SCX: variants seen among roughly 807,000 people sequenced by gnomAD.
SCX encodes the protein basic helix-loop-helix transcription factor scleraxis.
In SCX, 7 loss-of-function variants were observed where a neutral mutation model predicts 12.2. That is an observed-to-expected ratio of 0.57 (90% CI 0.33 to 1.08). The LOEUF is 1.08. Among genes scored for constraint, SCX ranks in the 50% least tolerant of loss-of-function variants. The pLI is 0.04. For missense variants in SCX, 342 were observed against 337.2 expected, an observed-to-expected ratio of 1.01 and a Z score of -0.11; for synonymous variants, 193 against 163.9, an observed-to-expected ratio of 1.18 and a Z score of -1.36.
Position 144,266,686 on chromosome 8 carries a change from G to A in SCX, c.73G>A (p.Asp25Asn), listed in dbSNP as rs1845375469. 1.6e-6 allele frequency: 2 copies of A among 1,246,620 alleles called. No individual in the cohort carries two copies. The highest frequency in any genetic ancestry group is 3.2e-5 in the Admixed American group (1 of 31,340). The allele number at this position is 1,246,620 out of a possible 1,614,324, so 77.2% of individuals were successfully genotyped here. The part of the protein sequence containing the change: ...LYPEVSPLSE[D>N]EDRGSDSSGS... ...CCCCGAGGTGAGCCCGCTGTCGGAGGACGAGGACCGCGGCAGCGACAGCTC... is the reference window on the plus strand; with the variant it reads ...CCCCGAGGTGAGCCCGCTGTCGGAGAACGAGGACCGCGGCAGCGACAGCTC... Residue 25 changes from aspartate to asparagine, a missense_variant, in exon 1 of 2, where the codon GAC becomes AAC. By Grantham distance (23) the Asp-to-Asn change is conservative (BLOSUM62 1). This residue lies in a region of SCX where 139 missense variants were observed against 107.8 expected (regional missense o/e 1.29). Transcript: ENST00000567180.
At position 144,266,681 on chromosome 8, in the gene SCX, C is replaced by T. The variant is rs1845375262; in HGVS notation, c.68C>T (p.Ser23Leu). Residue 23 changes from serine to leucine, a missense_variant, in exon 1 of 2, where the codon TCG becomes TTG. Ser to Leu is a moderately radical substitution (Grantham distance 145, BLOSUM62 -2). Coordinates refer to ENST00000567180, the MANE Select transcript of SCX (RefSeq NM_001080514.3). Reference protein sequence around the residue: ...RYLYPEVSPLSEDEDRGSDSS... With the variant: ...RYLYPEVSPLLEDEDRGSDSS... ...CTGTACCCCGAGGTGAGCCCGCTGT[C>T]GGAGGACGAGGACCGCGGCAGCGAC... 3 of 1,244,312 alleles carry T rather than the reference C, an allele frequency of 2.4e-6. No individual in the cohort carries two copies. The highest frequency in any genetic ancestry group is 2.1e-6 in the Non-Finnish European group (2 of 974,328). The allele number at this position is 1,244,312 out of a possible 1,614,324, so 77.1% of individuals were successfully genotyped here. A position where few individuals can be genotyped will look rare whatever the true frequency, so the allele number is the denominator to read the frequency against.
chr8:144,267,303 T>G, intron 1 of SCX, 123 bp downstream of exon 1: 1 of 1,193,672 alleles, frequency 8.4e-7, no homozygotes, highest in East Asian at 3.3e-5. Flanking sequence ...CAGGCACACC[T>G]GTAACACAGG....
chr8:144,267,738 T>C (rs1335630333), intron 1 of SCX, among the ~76,000 whole-genome samples: 3 of 151,830 alleles, frequency 2.0e-5, no homozygotes, highest in African/African-American at 4.8e-5. Flanking sequence ...ATGTGGGGGC[T>C]GGGGGTGAGG....
chr8:144,268,266 C>T lies in SCX; in HGVS notation c.*124C>T. ...GCCCACCGCAAGCATGCCCCCAGGC[C>T]AGCCCTGGCTGCGAGCGGGGCCGAG... On this transcript the variant is annotated 3_prime_UTR_variant, in exon 2 of 2. Coordinates refer to ENST00000567180, the MANE Select transcript of SCX (RefSeq NM_001080514.3). The T allele has an allele frequency of 7.1e-7, 1 of 1,418,236 alleles. No homozygotes were observed. Among genetic ancestry groups the T allele is most frequent in the Non-Finnish European group, 9.6e-7 (1 of 1,039,720 alleles). The allele number at this position is 1,418,236 out of a possible 1,614,324, so 87.9% of individuals were successfully genotyped here. A position where few individuals can be genotyped will look rare whatever the true frequency, so the allele number is the denominator to read the frequency against.
Position 144,268,226 on chromosome 8 carries a change from C to A in SCX, c.*84C>A. 1 of 1,538,712 alleles carries A rather than the reference C, an allele frequency of 6.5e-7. No homozygotes were observed. On this transcript the variant is annotated 3_prime_UTR_variant, in exon 2 of 2. Transcript: ENST00000567180. ...GACTGCAGACAGCCCCCACCTTGGA[C>A]CTGAGCTGGGCAAGGCCCACCGCAA...
Position 144,268,363 on chromosome 8 carries a change from TG to T in SCX, c.*223del. 1.6e-6 allele frequency: 1 copy of T among 610,236 alleles called. No homozygotes were observed. Among genetic ancestry groups the T allele is most frequent in the Non-Finnish European group, 2.9e-6 (1 of 348,576 alleles). 37.8% of individuals were successfully genotyped at this position (610,236 alleles called of 1,614,324 possible). ...GGCCCCAGCACCTGCCCGGGCCCAC[TG>T]GAACTTTCTGCGCTGGCTTTTCTTC... On this transcript the variant is annotated 3_prime_UTR_variant, in exon 2 of 2. Transcript: ENST00000567180.
intron 1 of SCX, among the ~76,000 whole-genome samples, chr8:144,267,401 C>G (rs1259637597): frequency 6.6e-6 from 1 of 152,156 alleles, no homozygotes; most frequent in African/African-American, 2.4e-5. Context: ...GAGTCCCCTG[C>G]AGGGAGCTGC....
At position 144,266,812 on chromosome 8, in the gene SCX, G is replaced by A; in HGVS notation, c.199G>A (p.Gly67Arg). 1.7e-6 allele frequency: 2 copies of A among 1,163,614 alleles called. No homozygotes were observed. The highest frequency in any genetic ancestry group is 2.1e-6 in the Non-Finnish European group (2 of 942,904). 72.1% of individuals were successfully genotyped at this position (1,163,614 alleles called of 1,614,324 possible). A position where few individuals can be genotyped will look rare whatever the true frequency, so the allele number is the denominator to read the frequency against. Reference sequence around the variant, plus strand: ...CCGGCGGGCCGGGGGCGGGGGGCCAGGGGGCCGGCCAGGCCGTGAGCCCCG... The same window carrying A: ...CCGGCGGGCCGGGGGCGGGGGGCCAAGGGGCCGGCCAGGCCGTGAGCCCCG... ...GGRRAGGGGP[G>R]GRPGREPRQR... Residue 67 changes from glycine to arginine, a missense_variant, in exon 1 of 2, where the codon GGG becomes AGG. Around this residue, in one of 3 missense-constraint regions of SCX, gnomAD observed 139 missense variants for 107.8 expected, o/e 1.29. Transcript: ENST00000567180.
chr8:144,267,180 G>A lies in SCX; in HGVS notation c.567G>A (p.Leu189=). The A allele has an allele frequency of 2.0e-6, 3 of 1,521,802 alleles. No individual in the cohort carries two copies. The highest frequency in any genetic ancestry group is 2.6e-6 in the Non-Finnish European group (3 of 1,145,192). 94.3% of individuals were successfully genotyped at this position (1,521,802 alleles called of 1,614,324 possible). A position where few individuals can be genotyped will look rare whatever the true frequency, so the allele number is the denominator to read the frequency against. Residue 189 remains leucine, a splice_region_variant and synonymous_variant, in exon 1 of 2, where the codon TTG becomes TTA. Coordinates refer to ENST00000567180, the MANE Select transcript of SCX (RefSeq NM_001080514.3). ...TCTGCCTCAGCAACCAGAGAAAGTT[G>A]GTGAGCACGGGCCGTGGGGCGCCGA... ...CTFCLSNQRK[L]SKDRDRKTAI...
At position 144,268,452 on chromosome 8, in the gene SCX, A is replaced by ATAT. The variant is rs1845432683; in HGVS notation, c.*312_*313insTTA. 1.9e-6 allele frequency: 1 copy of ATAT among 538,060 alleles called. No individual in the cohort carries two copies. The highest frequency in any genetic ancestry group is 1.9e-5 in the African/African-American group (1 of 51,750). The allele number at this position is 538,060 out of a possible 1,614,324, so 33.3% of individuals were successfully genotyped here. A position where few individuals can be genotyped will look rare whatever the true frequency, so the allele number is the denominator to read the frequency against. On this transcript the variant is annotated 3_prime_UTR_variant, in exon 2 of 2. Coordinates refer to ENST00000567180, the MANE Select transcript of SCX (RefSeq NM_001080514.3). ...ATAATATAAAGTCTGAAAATTTTGT[A>ATAT]TAATTAAAAACAAAACAGTATCTTC... is the stretch of plus-strand genomic sequence containing the variant.
Position 144,267,173 on chromosome 8 carries a change from G to A in SCX, c.560G>A (p.Arg187Lys). The A allele has an allele frequency of 2.0e-6, 3 of 1,528,404 alleles. No individual in the cohort carries two copies. The highest frequency in any genetic ancestry group is 1.7e-6 in the Non-Finnish European group (2 of 1,149,020). 94.7% of individuals were successfully genotyped at this position (1,528,404 alleles called of 1,614,324 possible). ...TGCACCTTCTGCCTCAGCAACCAGA[G>A]AAAGTTGGTGAGCACGGGCCGTGGG... is the stretch of plus-strand genomic sequence containing the variant. ...QICTFCLSNQ[R>K]KLSKDRDRKT... is the part of the protein sequence containing the mutation. Residue 187 changes from arginine (R) to lysine (K), a missense_variant, in exon 1 of 2, where the codon AGA (arginine) becomes AAA (lysine). Transcript: ENST00000567180.
Position 144,268,315 on chromosome 8 carries a change from C to G in SCX, c.*173C>G, listed in dbSNP as rs1482243824. On this transcript the variant is annotated 3_prime_UTR_variant, in exon 2 of 2. Transcript: ENST00000567180. ...AGGGACAGACGGACGTACAGACAGG[C>G]GCCGGCAGCGGGACTCTGCGCTGGC... 35 of 918,190 alleles carry G rather than the reference C, an allele frequency of 3.8e-5. No individual in the cohort carries two copies. The highest frequency in any genetic ancestry group is 5.5e-5 in the Non-Finnish European group (34 of 617,988). 56.9% of individuals were successfully genotyped at this position (918,190 alleles called of 1,614,324 possible). A position where few individuals can be genotyped will look rare whatever the true frequency, so the allele number is the denominator to read the frequency against.
rs914444437 is a variant in SCX, at chr8:144,268,072, C to T, written c.568-32C>T. On this transcript the variant is annotated intron_variant, in intron 1 of 1. Coordinates refer to ENST00000567180, the MANE Select transcript of SCX (RefSeq NM_001080514.3). ...GGCGCAGACTGGCGCTGGGCTCTGC[C>T]GGGGCCTGACACTCCTCCCTCCCCT... 3.3e-5 allele frequency: 51 copies of T among 1,549,660 alleles called. 2 individuals are homozygous for T. In the African/African-American group the frequency reaches 3.6e-4, roughly 11 times the overall value.
Position 144,266,672 on chromosome 8 carries a change from GC to G in SCX, c.62del (p.Pro21ArgfsTer71). 1 of 1,261,080 alleles carries G rather than the reference GC, an allele frequency of 7.9e-7. No homozygotes were observed. The highest frequency in any genetic ancestry group is 1.4e-5 in the South Asian group (1 of 69,554). 78.1% of individuals were successfully genotyped at this position (1,261,080 alleles called of 1,614,324 possible). On this transcript the variant is annotated frameshift_variant, in exon 1 of 2. Transcript: ENST00000567180. LOFTEE classifies it high-confidence loss of function. ...PPGRYLYPEV[S>X]PLSEDEDRGS... ...GGCCGCTACCTGTACCCCGAGGTGA[GC>G]CCGCTGTCGGAGGACGAGGACCGCG...
rs995303877 is a variant in SCX at position 144,268,007 on chromosome 8, G to C, written c.568-97G>C. ...AGAGCCGGGAAGGAGGTGCCTTGGCGCTGGCCACCTGAGATGGCACCCAGC... is the reference window on the plus strand; with the variant it reads ...AGAGCCGGGAAGGAGGTGCCTTGGCCCTGGCCACCTGAGATGGCACCCAGC... On this transcript the variant is annotated intron_variant, in intron 1 of 1. Coordinates refer to ENST00000567180, the MANE Select transcript of SCX (RefSeq NM_001080514.3). The C allele has an allele frequency of 1.0e-4, 154 of 1,535,498 alleles. 2 individuals carry two copies. In the African/African-American group the frequency reaches 1.9e-3, roughly 19 times the overall value.
chr8:144,266,734 C>T lies in SCX; in HGVS notation c.121C>T (p.Arg41Cys). 2 of 1,113,790 alleles carry T rather than the reference C, an allele frequency of 1.8e-6. No homozygotes were observed. Among genetic ancestry groups the T allele is most frequent in the Non-Finnish European group, 1.1e-6 (1 of 903,010 alleles). The allele number at this position is 1,113,790 out of a possible 1,614,324, so 69.0% of individuals were successfully genotyped here. A position where few individuals can be genotyped will look rare whatever the true frequency, so the allele number is the denominator to read the frequency against. The part of the protein sequence containing the change: ...DSSGSDEKPC[R>C]VHAARCGLQG... ...CTCGGGCTCCGACGAGAAACCCTGT[C>T]GCGTGCACGCGGCGCGCTGCGGCCT... Residue 41 changes from arginine (R) to cysteine (C), a missense_variant, in exon 1 of 2, where the codon CGC (arginine) becomes TGC (cysteine). Transcript: ENST00000567180.
At chr8:144,268,048 G>A (rs1235234301) in intron 1 of SCX, 56 bp from the exon 2 acceptor site, 1 of 1,548,930 alleles carries the variant, frequency 6.5e-7, no homozygotes, top group African/African-American at 1.4e-5. Flanking sequence ...GGCCAGAGAG[G>A]CGCAGACTGG....
At chr8:144,267,241 C>T (rs1381191948) in intron 1 of SCX, 61 bp downstream of exon 1, 2 of 1,452,376 alleles carry the variant, frequency 1.4e-6, no homozygotes, top group Non-Finnish European at 1.8e-6. Context: ...CCCACACCTG[C>T]CAGGCAGAGG....
Position 144,268,406 on chromosome 8 carries a change from G to A in SCX, c.*264G>A, listed in dbSNP as rs1296751307. On this transcript the variant is annotated 3_prime_UTR_variant, in exon 2 of 2. Coordinates refer to ENST00000567180, the MANE Select transcript of SCX (RefSeq NM_001080514.3). Reference sequence around the variant, plus strand: ...CTTTTCTTCCGGCCACTGTGTGATGGCATCTTGTGTTTTTGATATGATAAT... The same window carrying A: ...CTTTTCTTCCGGCCACTGTGTGATGACATCTTGTGTTTTTGATATGATAAT... 2 of 581,272 alleles carry A rather than the reference G, an allele frequency of 3.4e-6. No homozygotes were observed. Among genetic ancestry groups the A allele is most frequent in the Non-Finnish European group, 6.1e-6 (2 of 327,852 alleles). 36.0% of individuals were successfully genotyped at this position (581,272 alleles called of 1,614,324 possible).
Sources: gnomAD v4.1 joint callset for allele counts (sites outside exome capture counted in the v4.1 genomes callset) on GRCh38, gnomAD v4.1.1 for gene constraint, gnomAD v4.1.1 regional missense constraint, MANE v1.5 for transcripts, NCBI Gene and HGNC (gene_info 2026-07-23, HGNC 2026-07-21) for gene names.